The following IQSEC1 variants were observed in gnomAD, a reference collection of about 807,000 sequenced individuals.
IQSEC1 encodes IQ motif and SEC7 domain-containing protein 1.
In IQSEC1, 31 loss-of-function variants were observed where a neutral mutation model predicts 91.0. That is an observed-to-expected ratio of 0.34 (90% CI 0.26 to 0.46). IQSEC1 has a LOEUF of 0.46. Ranked by LOEUF, IQSEC1 falls within the 20% of genes least tolerant of loss-of-function variation. The pLI, the probability that IQSEC1 is intolerant of heterozygous loss-of-function variation, is 1.00. For missense variants in IQSEC1, 1,388 were observed against 1,575.6 expected (o/e 0.88, Z 2.02); for synonymous variants, 699 against 662.6 (o/e 1.05, Z -0.84).
chr3:13,012,417 C>T (rs1702925210), intron 1 of IQSEC1, among the ~76,000 whole-genome samples: 1 of 152,180 alleles, frequency 6.6e-6, no homozygotes, highest in Non-Finnish European at 1.5e-5. Flanking sequence ...CTCTGGGCTC[C>T]CACAGGCCTC....
chr3:13,045,676 C>T (rs543306260), intron 1 of IQSEC1, among the ~76,000 whole-genome samples: 2 of 152,250 alleles, frequency 1.3e-5, no homozygotes, highest in Admixed American at 6.5e-5. Context: ...GGGCTGGCCT[C>T]GAGCAGGGCA....
chr3:13,019,052 C>T (rs1169580577), intron 1 of IQSEC1, among the ~76,000 whole-genome samples: 3 of 152,208 alleles, frequency 2.0e-5, no homozygotes, highest in Admixed American at 6.5e-5. Context: ...CCAAGAAGCC[C>T]GCCCAGCTGG....
intron 1 of IQSEC1, among the ~76,000 whole-genome samples, chr3:12,963,193 G>A (rs1210626387): frequency 6.6e-6 from 1 of 152,224 alleles, no homozygotes; most frequent in East Asian, 1.9e-4. Flanking sequence ...GAAACAGGGA[G>A]GGGACGCTTG....
At chr3:13,037,596 CA>C (rs1312871703) in intron 1 of IQSEC1, among the ~76,000 whole-genome samples, 3 of 152,128 alleles carry the variant, frequency 2.0e-5, no homozygotes, top group Non-Finnish European at 4.4e-5. Context: ...CAATAGTGAA[CA>C]GGTGGGAACA....
intron 1 of IQSEC1, among the ~76,000 whole-genome samples, chr3:13,009,685 GTGTA>G (rs1702793188): frequency 6.6e-6 from 1 of 151,898 alleles, no homozygotes; most frequent in South Asian, 2.1e-4. Context: ...GTGTGTGTGT[GTGTA>G]TGTACTTTGC....
At chr3:13,091,247 GTC>G (rs1325150387) in intron 2 of IQSEC1, among the ~76,000 whole-genome samples, 2 of 152,200 alleles carry the variant, frequency 1.3e-5, no homozygotes, top group East Asian at 1.9e-4. Flanking sequence ...AGCAGCATCG[GTC>G]TCTCTGCCAG....
intron 1 of IQSEC1, among the ~76,000 whole-genome samples, chr3:12,945,079 G>A (rs540858109): frequency 6.6e-6 from 1 of 152,232 alleles, no homozygotes; most frequent in Non-Finnish European, 1.5e-5. Flanking sequence ...GTTGGCCGCG[G>A]TGTGGGGCAG....
At chr3:13,065,280 C>T (rs1705196139) in intron 1 of IQSEC1, among the ~76,000 whole-genome samples, 1 of 152,218 alleles carries the variant, frequency 6.6e-6, no homozygotes, top group South Asian at 2.1e-4. Context: ...AATGATGAAG[C>T]ACACATATAA....
Position 13,117,627 on chromosome 3 carries a change from C to A in IQSEC1, c.302+46477G>T, listed in dbSNP as rs1449947672. On this transcript the variant is annotated intron_variant, in intron 2 of 15. Coordinates refer to the IQSEC1 transcript ENST00000648114. Reference sequence around the variant, plus strand: ...CACGGCTGGGTGCAGTGGCTGATGCCTATAATCCCAGCACTCTGAGAGGCC... The same window carrying A: ...CACGGCTGGGTGCAGTGGCTGATGCATATAATCCCAGCACTCTGAGAGGCC... Among the ~76,000 whole-genome samples, 11 of 144,968 alleles carry A rather than the reference C, an allele frequency of 7.6e-5. No homozygotes were observed. The Admixed American group carries it at 7.6e-4, about 10-fold the overall frequency.
At chr3:13,145,295 G>T (rs1195505292) in intron 2 of IQSEC1, among the ~76,000 whole-genome samples, 1 of 152,098 alleles carries the variant, frequency 6.6e-6, no homozygotes, top group African/African-American at 2.4e-5. Flanking sequence ...TTGGCTGGTG[G>T]CTCACTACTC....
chr3:13,141,812 G>A (rs1706803375), intron 2 of IQSEC1, among the ~76,000 whole-genome samples: 1 of 152,224 alleles, frequency 6.6e-6, no homozygotes, highest in Admixed American at 6.5e-5. Flanking sequence ...AGGACAGGGA[G>A]GTGGATGATG....
chr3:13,061,161 C>G (rs1402884473), intron 1 of IQSEC1, among the ~76,000 whole-genome samples: 3 of 152,158 alleles, frequency 2.0e-5, no homozygotes. Context: ...CCCCTCGGTT[C>G]TGGCCCACGA....
At chr3:13,068,854 C>T (rs1705322318) in intron 1 of IQSEC1, among the ~76,000 whole-genome samples, 3 of 152,232 alleles carry the variant, frequency 2.0e-5, no homozygotes, top group Admixed American at 1.3e-4. Context: ...TCACTCAATC[C>T]ATTCCCATTG....
At chr3:13,189,589 C>G (rs1693986577) in intron 1 of IQSEC1, among the ~76,000 whole-genome samples, 1 of 152,238 alleles carries the variant, frequency 6.6e-6, no homozygotes, top group African/African-American at 2.4e-5. Context: ...CTACAAGTGA[C>G]AGCAGAACAT....
intron 2 of IQSEC1, among the ~76,000 whole-genome samples, chr3:13,104,918 T>C (rs1314561668): frequency 6.6e-6 from 1 of 152,252 alleles, no homozygotes; most frequent in Non-Finnish European, 1.5e-5. Context: ...AGCCCAGGGC[T>C]GCTAGATTTT....
Position 12,967,368 on chromosome 3 carries a change from C to T in IQSEC1, c.24-25503G>A, listed in dbSNP as rs1700646762. On this transcript the variant is annotated intron_variant, in intron 1 of 13. Coordinates refer to ENST00000613206, the MANE Select transcript of IQSEC1 (RefSeq NM_001134382.3). This position sits in a 1 kb window ranked among gnomAD's most constrained non-coding sequence, Gnocchi z 5.9. ...GCTCAGCACCCGGGAAGGCCGCTCGCCCCGCGCCGCGCCCTCACCCGCTGT... is the reference window on the plus strand; with the variant it reads ...GCTCAGCACCCGGGAAGGCCGCTCGTCCCGCGCCGCGCCCTCACCCGCTGT... 6.5e-7 allele frequency: 1 copy of T among 1,530,862 alleles called. No homozygotes were observed. The highest frequency in any genetic ancestry group is 8.8e-7 in the Non-Finnish European group (1 of 1,142,636). The allele number at this position is 1,530,862 out of a possible 1,614,324, so 94.8% of individuals were successfully genotyped here.
rs544165827 is a variant in IQSEC1, at chr3:13,162,436, C to A, written c.302+1668G>T. Among the ~76,000 whole-genome samples, 3 of 152,258 alleles carry A rather than the reference C, an allele frequency of 2.0e-5. No individual in the cohort carries two copies. The East Asian group carries it at 5.8e-4, about 29-fold the overall frequency. ...CCAGCCCCAGGGATTGGCAACCCAC[C>A]CTCTCCCTAACCTGTTGTTTTGAAT... On this transcript the variant is annotated intron_variant, in intron 2 of 15. Transcript: ENST00000648114.
intron 1 of IQSEC1, among the ~76,000 whole-genome samples, chr3:12,975,311 T>A (rs1701113125): frequency 6.6e-6 from 1 of 152,214 alleles, no homozygotes; most frequent in Non-Finnish European, 1.5e-5. Flanking sequence ...GGAGGCTCCA[T>A]GTTCTGGAGC....
rs149039686 is a variant in IQSEC1 at position 13,087,434 on chromosome 3, C to T, written c.303-39912G>A. The stretch of plus-strand genomic sequence containing the variant: ...CAGGAGGTCTGCAGACAAGCCCCTT[C>T]GCTTCTCTCAGCCTCAGTCTCCTCA... On this transcript the variant is annotated intron_variant, in intron 2 of 15. Transcript: ENST00000648114. Among the ~76,000 whole-genome samples the T allele has an allele frequency of 2.0e-3, 308 of 152,268 alleles. 5 individuals carry two copies. Among genetic ancestry groups the T allele is most frequent in the African/African-American group, 6.8e-3 (281 of 41,554 alleles).
Sources: allele counts gnomAD v4.1 joint callset (sites outside exome capture counted in the v4.1 genomes callset), GRCh38; gene constraint gnomAD v4.1.1; non-coding constraint Gnocchi (gnomAD v3.1); transcripts MANE v1.5; gene names NCBI Gene and HGNC (gene_info 2026-07-23, HGNC 2026-07-21).